Variants in SLC35F4 observed in about 807,000 individuals in gnomAD.
SLC35F4 encodes solute carrier family 35 member F4, also known as chromosome 14 open reading frame 36.
SLC35F4 carries 24 observed loss-of-function variants against 44.2 expected under a neutral mutation model. The observed-to-expected ratio is 0.54, with a 90% CI of 0.39 to 0.76. SLC35F4 has a LOEUF of 0.76. Among genes scored for constraint, SLC35F4 ranks in the 30% least tolerant of loss-of-function variants. SLC35F4 has a pLI of 0.00. For missense variants in SLC35F4, 562 were observed against 586.1 expected, an observed-to-expected ratio of 0.96 and a Z score of 0.42; for synonymous variants, 238 against 223.6, an observed-to-expected ratio of 1.06 and a Z score of -0.57.
chr14:57,582,929 T>A (rs1200353789), intron 3 of SLC35F4, among the ~76,000 whole-genome samples: 1 of 152,194 alleles, frequency 6.6e-6, no homozygotes, highest in Non-Finnish European at 1.5e-5. Context: ...TCATAGTAAA[T>A]GTGACTTTCA....
chr14:57,716,690 A>G (rs1387356818), intron 1 of SLC35F4, among the ~76,000 whole-genome samples: 1 of 152,202 alleles, frequency 6.6e-6, no homozygotes, highest in Non-Finnish European at 1.5e-5. Context: ...AATTAGGGTA[A>G]TCAGCATATT....
At position 57,563,966 on chromosome 14, in the gene SLC35F4, C is replaced by T. The variant is rs2139644189; in HGVS notation, c.*169G>A. ...TAAAAAAATCCATTATGATTATTTA[C>T]ACCAATTCCTTGATAAGCATATAAA... On this transcript the variant is annotated 3_prime_UTR_variant, in exon 8 of 8. Transcript: ENST00000556826. The T allele has an allele frequency of 1.4e-6, 1 of 693,948 alleles. No individual in the cohort carries two copies. The highest frequency in any genetic ancestry group is 2.3e-6 in the Non-Finnish European group (1 of 441,322). 43.0% of individuals were successfully genotyped at this position (693,948 alleles called of 1,614,324 possible). A position where few individuals can be genotyped will look rare whatever the true frequency, so the allele number is the denominator to read the frequency against.
chr14:57,935,448 A>G (rs1359059066), intron 1 of SLC35F4, among the ~76,000 whole-genome samples: 1 of 152,192 alleles, frequency 6.6e-6, no homozygotes, highest in Admixed American at 6.5e-5. Context: ...TCTTAGAGAG[A>G]CTGTAGAGAG....
chr14:57,566,186 TA>T (rs1164235404), intron 7 of SLC35F4, among the ~76,000 whole-genome samples: 1 of 152,178 alleles, frequency 6.6e-6, no homozygotes, highest in Non-Finnish European at 1.5e-5. Context: ...GGACTTCCTC[TA>T]AAAATACCAC....
intron 1 of SLC35F4, among the ~76,000 whole-genome samples, chr14:57,765,609 A>G (rs868477475): frequency 2.0e-5 from 3 of 152,264 alleles, no homozygotes; most frequent in Non-Finnish European, 4.4e-5. Flanking sequence ...TAAAAATTGT[A>G]TTCATTCAAA....
chr14:57,588,403 T>C (rs1249476810), intron 3 of SLC35F4, among the ~76,000 whole-genome samples: 2 of 151,952 alleles, frequency 1.3e-5, no homozygotes, highest in African/African-American at 4.8e-5. Context: ...TAGAAGTCAC[T>C]TCTCAGCATC....
At chr14:57,845,295 T>A (rs949614375) in intron 1 of SLC35F4, among the ~76,000 whole-genome samples, 1 of 152,226 alleles carries the variant, frequency 6.6e-6, no homozygotes, top group African/African-American at 2.4e-5. Flanking sequence ...AGCTATGCCC[T>A]TGGGCAAGGT....
intron 1 of SLC35F4, among the ~76,000 whole-genome samples, chr14:57,707,665 T>G (rs1273475812): frequency 1.3e-5 from 2 of 152,076 alleles, no homozygotes; most frequent in African/African-American, 4.8e-5. Context: ...AGAAGATACC[T>G]GAGAATGTGG....
At chr14:57,891,357 T>C (rs1006370301) in intron 1 of SLC35F4, among the ~76,000 whole-genome samples, 3 of 152,090 alleles carry the variant, frequency 2.0e-5, no homozygotes, top group Non-Finnish European at 4.4e-5. Context: ...GGAGTTTACT[T>C]TATATTCACA....
intron 1 of SLC35F4, among the ~76,000 whole-genome samples, chr14:57,947,152 T>G (rs181536664): frequency 7.9e-5 from 12 of 152,326 alleles, no homozygotes; most frequent in Admixed American, 6.5e-4. Flanking sequence ...ATTTATGATT[T>G]CTTTCAGCAG....
At chr14:57,921,564 G>T (rs562087578) in intron 1 of SLC35F4, among the ~76,000 whole-genome samples, 1 of 152,192 alleles carries the variant, frequency 6.6e-6, no homozygotes, top group East Asian at 1.9e-4. Context: ...AAAATGGATT[G>T]TCGCCCAGTT....
intron 1 of SLC35F4, among the ~76,000 whole-genome samples, chr14:57,828,523 T>C (rs1279681748): frequency 6.6e-6 from 1 of 152,220 alleles, no homozygotes; most frequent in African/African-American, 2.4e-5. Flanking sequence ...AAAAGATCAC[T>C]TTTCTATGGT....
chr14:57,924,895 C>G (rs574971515), intron 1 of SLC35F4, among the ~76,000 whole-genome samples: 8 of 152,140 alleles, frequency 5.3e-5, no homozygotes, highest in African/African-American at 1.9e-4. Flanking sequence ...AAGTTATGTG[C>G]CACAATGCCT....
intron 1 of SLC35F4, among the ~76,000 whole-genome samples, chr14:57,793,252 T>A (rs1436673231): frequency 6.6e-6 from 1 of 150,636 alleles, no homozygotes; most frequent in Non-Finnish European, 1.5e-5. Flanking sequence ...AAACTTTTAT[T>A]TTTTTTTTTT....
At chr14:57,975,350 G>A (rs1881185547), downstream of SLC35F4, among the ~76,000 whole-genome samples, 5 of 152,168 alleles carry the variant, frequency 3.3e-5, no homozygotes, top group Admixed American at 3.3e-4. Context: ...GTAAACTACT[G>A]GGGTTCCATC....
At chr14:57,656,335 G>GAC (rs141081637) in intron 1 of SLC35F4, among the ~76,000 whole-genome samples, 2 of 137,708 alleles carry the variant, frequency 1.5e-5, no homozygotes, top group South Asian at 4.8e-4. Flanking sequence ...TATGCTTGAG[G>GAC]ACACACACAC....
intron 5 of SLC35F4, among the ~76,000 whole-genome samples, chr14:57,570,275 T>A (rs949399275): frequency 6.6e-6 from 1 of 152,168 alleles, no homozygotes; most frequent in Non-Finnish European, 1.5e-5. Flanking sequence ...GAATGATAAA[T>A]AAGAGTCCAG....
At chr14:57,669,621 G>T (rs1393517587) in intron 1 of SLC35F4, among the ~76,000 whole-genome samples, 5 of 152,072 alleles carry the variant, frequency 3.3e-5, no homozygotes, top group Non-Finnish European at 7.4e-5. Context: ...CTGTTTATAT[G>T]CTGGATTACG....
chr14:57,963,704 T>C (rs1481619074), intron 1 of SLC35F4, among the ~76,000 whole-genome samples: 1 of 146,158 alleles, frequency 6.8e-6, no homozygotes, highest in Non-Finnish European at 1.5e-5. Context: ...GAACATTCAT[T>C]CTAGCTCCTT....
Sources: allele counts gnomAD v4.1 joint callset (sites outside exome capture counted in the v4.1 genomes callset), GRCh38; gene constraint gnomAD v4.1.1; transcripts MANE v1.5; gene names NCBI Gene and HGNC (gene_info 2026-07-23, HGNC 2026-07-21).